The following FBXO16 variants were observed in gnomAD, a reference collection of about 807,000 sequenced individuals.
FBXO16 encodes F-box only protein 16.
Under a neutral mutation model 41.0 loss-of-function variants are expected in FBXO16, and 31 were observed. That is an observed-to-expected ratio of 0.76 (90% CI 0.57 to 1.02). The LOEUF (loss-of-function observed/expected upper bound fraction) is 1.02. Among genes scored for constraint, FBXO16 ranks in the 50% least tolerant of loss-of-function variants. The pLI is 0.00. For missense variants in FBXO16, 361 were observed against 346.2 expected, an observed-to-expected ratio of 1.04 and a Z score of -0.34; for synonymous variants, 133 against 117.8, an observed-to-expected ratio of 1.13 and a Z score of -0.84.
intron 6 of FBXO16, among the ~76,000 whole-genome samples, chr8:28,450,366 T>G (rs1019113238): frequency 8.5e-5 from 13 of 152,162 alleles, no homozygotes; most frequent in Admixed American, 5.2e-4. Flanking sequence ...CACAAAACTC[T>G]TAGAAGAAAA....
chr8:28,430,271 G>A (rs1057015279), intron 7 of FBXO16, among the ~76,000 whole-genome samples: 5 of 152,168 alleles, frequency 3.3e-5, no homozygotes, highest in South Asian at 2.1e-4. Flanking sequence ...AGAGATGAGG[G>A]TCTTCCTATG....
chr8:28,487,581 A>T (rs563295174), intron 1 of FBXO16, among the ~76,000 whole-genome samples: 8 of 151,864 alleles, frequency 5.3e-5, no homozygotes, highest in Non-Finnish European at 1.2e-4. Context: ...TTTAGTAGAG[A>T]TGCGGTTTTC....
In FBXO16 at chr8:28,429,512, T is replaced by A. The variant is rs993136704; in HGVS notation, c.844-109A>T. The A allele has an allele frequency of 1.2e-5, 16 of 1,295,988 alleles. No homozygotes were observed. In the African/African-American group the frequency reaches 1.5e-4, roughly 12 times the overall value. 80.3% of individuals were successfully genotyped at this position (1,295,988 alleles called of 1,614,324 possible). ...AGGCACTCTTCAAAGTTCGCCCTTA[T>A]CTTGGTTCCAACTGTGCAAGGAGAG... On this transcript the variant is annotated intron_variant, in intron 7 of 8. Transcript: ENST00000380254.
At chr8:28,480,377 G>A (rs1803491789) in intron 2 of FBXO16, among the ~76,000 whole-genome samples, 1 of 152,162 alleles carries the variant, frequency 6.6e-6, no homozygotes, top group South Asian at 2.1e-4. Context: ...AGTTTAGAGG[G>A]GCAGAGGGGC....
intron 3 of FBXO16, among the ~76,000 whole-genome samples, chr8:28,464,730 T>C (rs1415798886): frequency 6.6e-6 from 1 of 152,172 alleles, no homozygotes; most frequent in African/African-American, 2.4e-5. Flanking sequence ...CTTGGCTCAC[T>C]GCAACCTCCA....
intron 4 of FBXO16, among the ~76,000 whole-genome samples, chr8:28,462,554 A>G (rs546110500): frequency 5.3e-5 from 8 of 152,292 alleles, no homozygotes; most frequent in Admixed American, 3.9e-4. Context: ...CTGGGATTAC[A>G]GGCGTGAGCC....
chr8:28,470,596 G>T (rs141303947), intron 3 of FBXO16, among the ~76,000 whole-genome samples: 6 of 152,264 alleles, frequency 3.9e-5, no homozygotes, highest in African/African-American at 1.4e-4. Context: ...TTCTTACAGG[G>T]TATATTATAT....
At chr8:28,484,925 G>A (rs781457626) in intron 1 of FBXO16, among the ~76,000 whole-genome samples, 10 of 152,080 alleles carry the variant, frequency 6.6e-5, no homozygotes, top group African/African-American at 1.9e-4. Context: ...ACCCAGGCTC[G>A]AGTGCAGTGA....
intron 4 of FBXO16, among the ~76,000 whole-genome samples, chr8:28,459,605 A>T (rs1244565135): frequency 6.8e-6 from 1 of 146,722 alleles, no homozygotes; most frequent in African/African-American, 2.5e-5. Flanking sequence ...GGGCGACAAG[A>T]GCGAGACCCT....
intron 7 of FBXO16, among the ~76,000 whole-genome samples, chr8:28,440,554 G>A (rs1802755078): frequency 6.6e-6 from 1 of 152,160 alleles, no homozygotes; most frequent in Admixed American, 6.5e-5. Context: ...ATATTCCTGT[G>A]TGTGGTTCCC....
intron 2 of FBXO16, among the ~76,000 whole-genome samples, chr8:28,478,712 A>C (rs1803460774): frequency 6.6e-6 from 1 of 151,274 alleles, no homozygotes; most frequent in Admixed American, 6.6e-5. Flanking sequence ...AATCCCAGCT[A>C]CTCAGGAGGC....
chr8:28,489,646 G>T (rs887151146), intron 1 of FBXO16, among the ~76,000 whole-genome samples: 1 of 151,688 alleles, frequency 6.6e-6, no homozygotes, highest in Non-Finnish European at 1.5e-5. Context: ...GCTGCAGTGA[G>T]CGATGATTGC....
intron 5 of FBXO16, among the ~76,000 whole-genome samples, chr8:28,453,716 C>G (rs1585902694): frequency 6.6e-6 from 1 of 151,850 alleles, no homozygotes; most frequent in Admixed American, 6.6e-5. Context: ...TTCAACAGCT[C>G]TTTGTATACA....
chr8:28,440,076 C>G (rs973711761), intron 7 of FBXO16, among the ~76,000 whole-genome samples: 3 of 147,892 alleles, frequency 2.0e-5, no homozygotes, highest in African/African-American at 7.6e-5. Flanking sequence ...CCATGGGGCC[C>G]CATAGCAAAC....
At chr8:28,438,574 G>A (rs1802718482) in intron 7 of FBXO16, among the ~76,000 whole-genome samples, 1 of 152,052 alleles carries the variant, frequency 6.6e-6, no homozygotes, top group Admixed American at 6.6e-5. Context: ...GATTTTTACT[G>A]CTGTTACTAC....
chr8:28,459,304 G>T (rs1375301196), intron 4 of FBXO16, among the ~76,000 whole-genome samples: 1 of 151,958 alleles, frequency 6.6e-6, no homozygotes, highest in Non-Finnish European at 1.5e-5. Flanking sequence ...TCCAAAACAT[G>T]TTTACTAATG....
intron 7 of FBXO16, among the ~76,000 whole-genome samples, chr8:28,444,627 G>A (rs1482444206): frequency 6.6e-6 from 1 of 150,590 alleles, no homozygotes; most frequent in African/African-American, 2.5e-5. Flanking sequence ...ACAAGCACCC[G>A]CCACTTCGCC....
chr8:28,429,508 C>A, intron 7 of FBXO16, 105 bp from the exon 8 acceptor site: 1 of 1,350,582 alleles, frequency 7.4e-7, no homozygotes, highest in Non-Finnish European at 1.0e-6. Flanking sequence ...AAAGTTCGCC[C>A]TTATCTTGGT....
In FBXO16 at chr8:28,452,280, A is replaced by G. The variant is rs1802966413; in HGVS notation, c.704T>C (p.Leu235Pro). The G allele has an allele frequency of 1.2e-6, 2 of 1,614,056 alleles. No homozygotes were observed. The highest frequency in any genetic ancestry group is 1.7e-6 in the Non-Finnish European group (2 of 1,180,048). The change falls in exon 6 of 9, where the codon CTA (leucine) becomes CCA (proline). Residue 235 changes from leucine (L) to proline (P), a missense_variant. Leu to Pro is a moderately conservative substitution (Grantham distance 98). Coordinates refer to ENST00000380254, the MANE Select transcript of FBXO16 (RefSeq NM_172366.4). ...HPTDIIRFNY[L>P]DNRDPMETVQ... Reference sequence around the variant, plus strand: ...AGTCTCCATGGGGTCACGGTTGTCTAGGTAATTAAAACGAATGATATCTGT... The same window carrying G: ...AGTCTCCATGGGGTCACGGTTGTCTGGGTAATTAAAACGAATGATATCTGT...
Sources: gnomAD v4.1 joint callset for allele counts (sites outside exome capture counted in the v4.1 genomes callset) on GRCh38, gnomAD v4.1.1 for gene constraint, MANE v1.5 for transcripts, NCBI Gene and HGNC (gene_info 2026-07-23, HGNC 2026-07-21) for gene names.